Variants in SCAI observed in about 807,000 individuals in gnomAD.
SCAI encodes the protein suppressor of cancer cell invasion, also known as protein SCAI.
SCAI carries 24 observed loss-of-function variants against 92.2 expected under a neutral mutation model. The ratio of observed to expected loss-of-function variants is 0.26; its 90% CI spans 0.19 to 0.37. The LOEUF is 0.37. SCAI is among the 10% of genes least tolerant of loss of function. The pLI is 1.00. For synonymous variants in SCAI, 261 were observed against 258.6 expected (o/e 1.01, Z -0.09); for missense variants, 450 against 736.2 (o/e 0.61, Z 4.50).
intron 1 of SCAI, 96 bp downstream of exon 1, chr9:125,143,289 C>A (rs1393611751): frequency 1.4e-6 from 1 of 698,294 alleles, no homozygotes; most frequent in East Asian, 3.7e-5. Flanking sequence ...CCGGTCTCTG[C>A]GCCCCGAATG....
chr9:125,119,525 C>G (rs945967289), intron 2 of SCAI, among the ~76,000 whole-genome samples: 1 of 152,146 alleles, frequency 6.6e-6, no homozygotes, highest in East Asian at 1.9e-4. Context: ...ATCCATATTT[C>G]TTCTCTTATA....
At chr9:125,014,078 G>A (rs1223934097) in intron 9 of SCAI, among the ~76,000 whole-genome samples, 3 of 152,058 alleles carry the variant, frequency 2.0e-5, no homozygotes, top group Non-Finnish European at 2.9e-5. Flanking sequence ...ATATCATACT[G>A]AATGGGCAAA....
intron 3 of SCAI, 36 bp downstream of exon 3, chr9:125,055,840 C>T (rs772869688): frequency 1.9e-6 from 3 of 1,548,798 alleles, no homozygotes; most frequent in Non-Finnish European, 2.6e-6. Flanking sequence ...AAATGCAGAA[C>T]TAAAGAAAAG....
intron 9 of SCAI, among the ~76,000 whole-genome samples, chr9:125,007,223 A>G (rs1176270393): frequency 6.6e-6 from 1 of 152,202 alleles, no homozygotes; most frequent in Admixed American, 6.5e-5. Flanking sequence ...GATAATTTTA[A>G]AAGTGAGAAA....
At chr9:125,068,184 G>C (rs530872349) in intron 2 of SCAI, among the ~76,000 whole-genome samples, 1 of 152,134 alleles carries the variant, frequency 6.6e-6, no homozygotes, top group Non-Finnish European at 1.5e-5. Context: ...CACTGTGATT[G>C]CAAGTTTTTA....
chr9:125,024,301 G>A (rs1832926058), intron 6 of SCAI, among the ~76,000 whole-genome samples: 1 of 149,532 alleles, frequency 6.7e-6, no homozygotes, highest in Non-Finnish European at 1.5e-5. Context: ...TTTTGAGACG[G>A]AGTCTCACTT....
rs1832617358 is a variant in SCAI, at chr9:125,010,709, G to C, written c.862-7139C>G. Reference sequence around the variant, plus strand: ...TCTCCCAGCACGCAGCTTGAGATCTGAGAACGGGCAGACTGCCTCCTCAAG... The same window carrying C: ...TCTCCCAGCACGCAGCTTGAGATCTCAGAACGGGCAGACTGCCTCCTCAAG... On this transcript the variant is annotated intron_variant, in intron 9 of 17. Transcript: ENST00000336505. 2.6e-5 allele frequency among the ~76,000 whole-genome samples: 4 copies of C among 152,206 alleles called. No homozygotes were observed. In the South Asian group the frequency reaches 8.3e-4, roughly 31 times the overall value.
chr9:125,143,119 C>T (rs1191002745), intron 1 of SCAI, among the ~76,000 whole-genome samples: 1 of 151,174 alleles, frequency 6.6e-6, no homozygotes, highest in African/African-American at 2.4e-5. Context: ...CGGGGGCGCG[C>T]CCGCCTTGCC....
chr9:125,051,290 T>C (rs1422683898), intron 3 of SCAI, among the ~76,000 whole-genome samples: 1 of 152,228 alleles, frequency 6.6e-6, no homozygotes, highest in East Asian at 1.9e-4. Context: ...CCCAAAGTGC[T>C]GGGATTACAG....
intron 2 of SCAI, among the ~76,000 whole-genome samples, chr9:125,073,035 C>T (rs1185272590): frequency 7.0e-6 from 1 of 142,158 alleles, no homozygotes; most frequent in Non-Finnish European, 1.5e-5. Context: ...GCTCTCAATT[C>T]TTTTGGATAT....
intron 9 of SCAI, among the ~76,000 whole-genome samples, chr9:125,008,691 A>G (rs1426431421): frequency 3.9e-5 from 6 of 152,230 alleles, no homozygotes; most frequent in Non-Finnish European, 2.9e-5. Context: ...AATACAGAAA[A>G]GAATATAACA....
In SCAI at chr9:124,944,466, ATTTTTTTTTTTTT is replaced by A. The variant is rs71374207; in HGVS notation, c.*8328_*8340del. On this transcript the variant is annotated 3_prime_UTR_variant, in exon 18 of 18. Transcript: ENST00000336505. ...AGGCGCACACCACCATGCCTGGCTA[ATTTTTTTTTTTTT>A]TTTTTTTTTTTTGTATTTTAGTAGC... 4 of 84,726 alleles carry A rather than the reference ATTTTTTTTTTTTT, an allele frequency of 4.7e-5. No individual in the cohort carries two copies. The highest frequency in any genetic ancestry group is 1.6e-4 in the Admixed American group (1 of 6,166). 5.2% of individuals were successfully genotyped at this position (84,726 alleles called of 1,614,324 possible).
chr9:125,026,380 CAAA>C (rs1250420836), intron 6 of SCAI, among the ~76,000 whole-genome samples: 4 of 62,454 alleles, frequency 6.4e-5, no homozygotes, highest in Admixed American at 1.9e-4. Flanking sequence ...ACTCCACCTC[CAAA>C]AAAAAAAAAA....
rs1331858410 is a variant in SCAI, at chr9:124,974,090, T to C, written c.1399+2024A>G. 63 of 284,418 alleles carry C rather than the reference T, an allele frequency of 2.2e-4. 2 individuals are homozygous for C. The highest frequency in any genetic ancestry group is 1.6e-3 in the South Asian group (60 of 37,212). 17.6% of individuals were successfully genotyped at this position (284,418 alleles called of 1,614,324 possible). On this transcript the variant is annotated intron_variant, in intron 15 of 17. Transcript: ENST00000336505. Reference sequence around the variant, plus strand: ...TAATAACCGCCCATCAGGCTCTGTCTATCTGCCACAAGACATTTGGCTCTG... The same window carrying C: ...TAATAACCGCCCATCAGGCTCTGTCCATCTGCCACAAGACATTTGGCTCTG...
chr9:125,090,369 T>G (rs1834406722), intron 2 of SCAI, among the ~76,000 whole-genome samples: 1 of 140,550 alleles, frequency 7.1e-6, no homozygotes, highest in Non-Finnish European at 1.5e-5. Flanking sequence ...GAAGAAAGAG[T>G]AAGGAGCCAT....
At chr9:125,036,687 T>C (rs1343601996) in intron 3 of SCAI, among the ~76,000 whole-genome samples, 1 of 152,272 alleles carries the variant, frequency 6.6e-6, no homozygotes, top group African/African-American at 2.4e-5. Flanking sequence ...AAAAGGTATG[T>C]ATAGAGTAAG....
intron 2 of SCAI, among the ~76,000 whole-genome samples, chr9:125,108,060 C>T (rs1218898201): frequency 6.6e-6 from 1 of 152,268 alleles, no homozygotes; most frequent in Non-Finnish European, 1.5e-5. Flanking sequence ...TCTCCAGCTC[C>T]TAACCGCGAG....
Position 124,995,006 on chromosome 9 carries a change from G to T in SCAI, c.1254C>A (p.Pro418=). ...QSHKEMHCLH[P]GDLYPFTRKP... is the part of the protein sequence containing the mutation. ...TCCTGGTGAAAGGATAGAGATCCCC[G>T]GGATGAAGGCTGGGAAAACAACAAC... Residue 418 remains proline, a synonymous_variant, in exon 14 of 18, where the codon CCC becomes CCA. Transcript: ENST00000336505. The T allele has an allele frequency of 6.2e-7, 1 of 1,610,096 alleles. No homozygotes were observed. The highest frequency in any genetic ancestry group is 1.7e-4 in the Middle Eastern group (1 of 6,060).
At chr9:125,142,363 T>A (rs1276923203) in intron 2 of SCAI, 1 of 259,310 alleles carries the variant, frequency 3.9e-6, no homozygotes, top group Non-Finnish European at 7.3e-6. Context: ...AAAAAAAAAA[T>A]AGCTGAGATC....
Sources: allele counts gnomAD v4.1 joint callset (sites outside exome capture counted in the v4.1 genomes callset), GRCh38; gene constraint gnomAD v4.1.1; transcripts MANE v1.5; gene names NCBI Gene and HGNC (gene_info 2026-07-23, HGNC 2026-07-21).